The following GAB2 variants were observed in gnomAD, a reference collection of about 807,000 sequenced individuals.
GAB2 encodes GRB2 associated binding protein 2, also known as GRB2-associated-binding protein 2.
A neutral mutation model predicts 65.5 loss-of-function variants in GAB2; 26 were observed. The observed-to-expected ratio is 0.40, with a 90% CI of 0.29 to 0.55. GAB2 has a LOEUF of 0.55. GAB2 is among the 20% of genes least tolerant of loss of function. The probability of loss-of-function intolerance (pLI) is 0.53; values close to 1 mark genes in which losing one functional copy is unlikely to be tolerated. For synonymous variants in GAB2, 321 were observed against 329.6 expected (o/e 0.97, Z 0.28); for missense variants, 884 against 875.8 (o/e 1.01, Z -0.12).
chr11:78,310,332 C>T (rs1307804674), intron 1 of GAB2, among the ~76,000 whole-genome samples: 1 of 144,040 alleles, frequency 6.9e-6, no homozygotes, highest in Non-Finnish European at 1.5e-5. Context: ...GAAACCCCGT[C>T]TCTACTAAAA....
chr11:78,417,613 C>T, intron 1 of GAB2, 33 bp downstream of exon 1: 2 of 1,246,738 alleles, frequency 1.6e-6, no homozygotes, highest in Non-Finnish European at 2.1e-6. Flanking sequence ...GAGCGCCCCC[C>T]GCCCGCCCCT....
At chr11:78,241,960 C>T (rs1267876727) in intron 3 of GAB2, among the ~76,000 whole-genome samples, 1 of 152,168 alleles carries the variant, frequency 6.6e-6, no homozygotes, top group Non-Finnish European at 1.5e-5. Flanking sequence ...TCAAATGGAC[C>T]TAACAACACT....
intron 1 of GAB2, among the ~76,000 whole-genome samples, chr11:78,346,104 A>C (rs1856174819): frequency 6.6e-6 from 1 of 152,228 alleles, no homozygotes; most frequent in Non-Finnish European, 1.5e-5. Flanking sequence ...ACCCAGGACA[A>C]TCAACTCGAC....
chr11:78,386,534 G>A (rs1476988373), intron 1 of GAB2, among the ~76,000 whole-genome samples: 1 of 152,134 alleles, frequency 6.6e-6, no homozygotes, highest in African/African-American at 2.4e-5. Flanking sequence ...CTGGATGGAG[G>A]CTTTCAAACT....
At chr11:78,340,156 G>T (rs891618380) in intron 1 of GAB2, among the ~76,000 whole-genome samples, 3 of 152,118 alleles carry the variant, frequency 2.0e-5, no homozygotes, top group Admixed American at 1.3e-4. Flanking sequence ...TACCAAGCTC[G>T]GTTTTCCTAG....
Position 78,309,980 on chromosome 11 carries a change from G to A in GAB2, c.76-29079C>T, listed in dbSNP as rs537805920. 4.1e-4 allele frequency among the ~76,000 whole-genome samples: 61 copies of A among 150,440 alleles called. 1 individual carries two copies. The highest frequency in any genetic ancestry group is 5.3e-4 in the Non-Finnish European group (36 of 67,764). ...TGTGTGTGTGTGTGTGTGCGCGCGC[G>A]CCTGTGTGTGTGGTGGTGGCAGTGG... On this transcript the variant is annotated intron_variant, in intron 1 of 9. Transcript: ENST00000361507.
At chr11:78,348,165 C>T (rs1856219955) in intron 1 of GAB2, among the ~76,000 whole-genome samples, 1 of 152,024 alleles carries the variant, frequency 6.6e-6, no homozygotes, top group East Asian at 1.9e-4. Context: ...GTGACAGAAG[C>T]AGAAGAGGTA....
At chr11:78,245,517 A>C (rs1006091790) in intron 3 of GAB2, among the ~76,000 whole-genome samples, 4 of 152,192 alleles carry the variant, frequency 2.6e-5, no homozygotes, top group African/African-American at 9.6e-5. Flanking sequence ...GAAATTAAGA[A>C]ATTTCCAGAT....
intron 1 of GAB2, among the ~76,000 whole-genome samples, chr11:78,393,370 T>G (rs994152018): frequency 8.5e-5 from 13 of 152,206 alleles, no homozygotes; most frequent in African/African-American, 2.9e-4. Context: ...AAAAAGCACC[T>G]TGCATTTGAA....
At chr11:78,248,388 G>C (rs1455884013) in intron 3 of GAB2, among the ~76,000 whole-genome samples, 1 of 152,176 alleles carries the variant, frequency 6.6e-6, no homozygotes, top group Non-Finnish European at 1.5e-5. Context: ...TAGACAATCT[G>C]TGCTGGTATC....
At chr11:78,399,857 A>G (rs1208660840) in intron 1 of GAB2, among the ~76,000 whole-genome samples, 1 of 152,222 alleles carries the variant, frequency 6.6e-6, no homozygotes, top group Non-Finnish European at 1.5e-5. Context: ...AATAAGAAGC[A>G]TTAGTCTAAT....
chr11:78,238,537 T>TTA (rs569117968), intron 3 of GAB2, among the ~76,000 whole-genome samples: 1 of 134,994 alleles, frequency 7.4e-6, no homozygotes, highest in African/African-American at 2.7e-5. Context: ...TAAACTAGAT[T>TTA]AAAAAAAAAA....
At chr11:78,366,837 G>A (rs557589531) in intron 1 of GAB2, among the ~76,000 whole-genome samples, 1 of 151,164 alleles carries the variant, frequency 6.6e-6, no homozygotes, top group Non-Finnish European at 1.5e-5. Context: ...TCAAATGGTT[G>A]CTTCTCAAAT....
chr11:78,335,365 T>C (rs1855980350), intron 1 of GAB2, among the ~76,000 whole-genome samples: 1 of 152,352 alleles, frequency 6.6e-6, no homozygotes, highest in South Asian at 2.1e-4. Context: ...AGGAGCTTCA[T>C]AGTTAGAGGT....
intron 1 of GAB2, among the ~76,000 whole-genome samples, chr11:78,331,949 C>T (rs1244223804): frequency 6.6e-6 from 1 of 152,174 alleles, no homozygotes; most frequent in Non-Finnish European, 1.5e-5. Context: ...CACACATGCC[C>T]CCTCCACACA....
chr11:78,246,584 C>T (rs774364596), intron 3 of GAB2, among the ~76,000 whole-genome samples: 15 of 152,036 alleles, frequency 9.9e-5, no homozygotes, highest in Non-Finnish European at 2.1e-4. Context: ...CTGCAACCTC[C>T]ACCTCCTGGC....
intron 1 of GAB2, among the ~76,000 whole-genome samples, chr11:78,298,216 T>C (rs1866894566): frequency 6.6e-6 from 1 of 152,190 alleles, no homozygotes; most frequent in Non-Finnish European, 1.5e-5. Flanking sequence ...AGAGGGCATA[T>C]GCAACCAAGA....
chr11:78,417,641 C>G lies in GAB2; in HGVS notation c.75+5G>C. The G allele has an allele frequency of 7.3e-7, 1 of 1,368,460 alleles. No homozygotes were observed. Among genetic ancestry groups the G allele is most frequent in the Admixed American group, 2.3e-5 (1 of 43,820 alleles). The allele number at this position is 1,368,460 out of a possible 1,614,324, so 84.8% of individuals were successfully genotyped here. On this transcript the variant is annotated splice_donor_5th_base_variant and intron_variant, in intron 1 of 9. Transcript: ENST00000361507. ...CCGCCCCTGGGCGGCCGCGCCCGCA[C>G]TCACATAGCGCCTCAACTTCTTCTC...
intron 1 of GAB2, among the ~76,000 whole-genome samples, chr11:78,338,343 G>A (rs1465265119): frequency 2.6e-5 from 4 of 152,026 alleles, no homozygotes; most frequent in Non-Finnish European, 5.9e-5. Context: ...TCTTTTGGAG[G>A]TTCCTGGGAA....
Sources: gnomAD v4.1 joint callset for allele counts (sites outside exome capture counted in the v4.1 genomes callset) on GRCh38, gnomAD v4.1.1 for gene constraint, MANE v1.5 for transcripts, NCBI Gene and HGNC (gene_info 2026-07-23, HGNC 2026-07-21) for gene names.